Variants in MIER1 observed in about 807,000 individuals in gnomAD.
MIER1 encodes mesoderm induction early response protein 1.
Under a neutral mutation model 75.7 loss-of-function variants are expected in MIER1, and 40 were observed. The observed-to-expected ratio is 0.53, with a 90% CI of 0.41 to 0.69. The LOEUF is 0.69. Ranked by LOEUF, MIER1 falls within the 30% of genes least tolerant of loss-of-function variation. MIER1 has a pLI of 0.00. For synonymous variants in MIER1, 213 were observed against 223.4 expected (o/e 0.95, Z 0.42); for missense variants, 574 against 680.2 (o/e 0.84, Z 1.74).
intron 12 of MIER1, among the ~76,000 whole-genome samples, chr1:66,979,651 A>G (rs1393479099): frequency 6.6e-6 from 1 of 152,108 alleles, no homozygotes; most frequent in East Asian, 1.9e-4. Flanking sequence ...TCTGGATGCT[A>G]TTAATCTTTA....
At chr1:66,925,499 C>T (rs1238033568) in intron 1 of MIER1, 11 of 985,336 alleles carry the variant, frequency 1.1e-5, no homozygotes, top group Middle Eastern at 5.2e-4. Flanking sequence ...TGTGTCCCAT[C>T]CCCGGGAGGC....
At position 66,985,814 on chromosome 1, in the gene MIER1, ATT is replaced by A. The variant is rs150870135; in HGVS notation, c.*936_*937del. On this transcript the variant is annotated 3_prime_UTR_variant, in exon 14 of 14. Coordinates refer to ENST00000401041, the MANE Select transcript of MIER1 (RefSeq NM_001077700.3). Reference sequence around the variant, plus strand: ...TAAAGCATTCATAAAGGATTATAAAATTTTTTTTTTTTTTTTTTTTTTTAAAT... The same window carrying A: ...TAAAGCATTCATAAAGGATTATAAAATTTTTTTTTTTTTTTTTTTTTAAAT... 33,656 of 617,766 alleles carry A rather than the reference ATT, an allele frequency of 0.054. 249 individuals carry two copies. The highest frequency in any genetic ancestry group is 0.11 in the African/African-American group (5,148 of 45,468). The allele number at this position is 617,766 out of a possible 1,614,324, so 38.3% of individuals were successfully genotyped here. A position where few individuals can be genotyped will look rare whatever the true frequency, so the allele number is the denominator to read the frequency against.
At position 66,985,018 on chromosome 1, in the gene MIER1, T is replaced by G; in HGVS notation, c.*118T>G. The G allele has an allele frequency of 7.1e-7, 1 of 1,408,228 alleles. No individual in the cohort carries two copies. Among genetic ancestry groups the G allele is most frequent in the Non-Finnish European group, 9.2e-7 (1 of 1,081,088 alleles). 87.2% of individuals were successfully genotyped at this position (1,408,228 alleles called of 1,614,324 possible). A position where few individuals can be genotyped will look rare whatever the true frequency, so the allele number is the denominator to read the frequency against. On this transcript the variant is annotated 3_prime_UTR_variant, in exon 14 of 14. Transcript: ENST00000401041. ...AAGCAGTTTGAAAATTTGAATTGAG[T>G]CTTAACTTTAGGAAATGAGGTTTCA...
At chr1:66,959,283 C>T (rs1356850011) in intron 6 of MIER1, among the ~76,000 whole-genome samples, 1 of 151,934 alleles carries the variant, frequency 6.6e-6, no homozygotes, top group Non-Finnish European at 1.5e-5. Flanking sequence ...CCTTAGTTTC[C>T]ATTTTTTACT....
chr1:66,970,219 A>G (rs1006659008), intron 8 of MIER1, among the ~76,000 whole-genome samples: 3 of 152,228 alleles, frequency 2.0e-5, no homozygotes, highest in Non-Finnish European at 4.4e-5. Flanking sequence ...TAAAAAAGTA[A>G]TGACTTGTTT....
chr1:66,930,305 GA>G, intron 2 of MIER1: 2 of 1,574,148 alleles, frequency 1.3e-6, no homozygotes, highest in Non-Finnish European at 1.7e-6. Flanking sequence ...GCAGCGGCCG[GA>G]GTCCCGTTGC....
Position 66,984,777 on chromosome 1 carries a change from T to C in MIER1, c.1575T>C (p.Ser525=). The C allele has an allele frequency of 6.2e-7, 1 of 1,613,958 alleles. No homozygotes were observed. The highest frequency in any genetic ancestry group is 8.5e-7 in the Non-Finnish European group (1 of 1,179,918). Residue 525 remains serine, a synonymous_variant, in exon 14 of 14, where the codon AGT becomes AGC. Transcript: ENST00000401041. ...ARNENDFDEK[S]ERPAKRRRVN... ...ATGAAAATGATTTTGATGAAAAAAG[T>C]GAGAGACCTGCCAAAAGGCGAAGGG...
At position 66,986,363 on chromosome 1, in the gene MIER1, C is replaced by T. The variant is rs749464460; in HGVS notation, c.*1463C>T. ...GCTGATAGACCAACCTATATCCAAA[C>T]TTTTATAAAATATTAATTATTCTTG... On this transcript the variant is annotated 3_prime_UTR_variant, in exon 14 of 14. Coordinates refer to ENST00000401041, the MANE Select transcript of MIER1 (RefSeq NM_001077700.3). The T allele has an allele frequency of 6.3e-7, 1 of 1,596,650 alleles. No individual in the cohort carries two copies. The highest frequency in any genetic ancestry group is 2.2e-5 in the East Asian group (1 of 44,506).
chr1:66,972,204 C>CT (rs1663753280), intron 10 of MIER1, among the ~76,000 whole-genome samples: 1 of 143,104 alleles, frequency 7.0e-6, no homozygotes, highest in African/African-American at 2.6e-5. Context: ...CCCCCCTTCA[C>CT]TAAGAGTACT....
intron 9 of MIER1, 43 bp from the exon 10 acceptor site, chr1:66,971,612 G>A (rs1663626877): frequency 3.0e-6 from 3 of 1,009,326 alleles, no homozygotes; most frequent in Non-Finnish European, 4.6e-6. Flanking sequence ...GCATTGAACT[G>A]TTTATAGTCC....
chr1:66,951,661 CCTTAA>C (rs745454978), intron 4 of MIER1, among the ~76,000 whole-genome samples: 1 of 152,026 alleles, frequency 6.6e-6, no homozygotes, highest in African/African-American at 2.4e-5. Context: ...GCTCAAGCAT[CCTTAA>C]CTTCCTGCGT....
At chr1:66,929,112 T>C (rs1652492852) in intron 2 of MIER1, 2 of 664,110 alleles carry the variant, frequency 3.0e-6, no homozygotes, top group Non-Finnish European at 5.3e-6. Flanking sequence ...TTTAAGGGAA[T>C]ATAAATAATT....
At chr1:66,950,001 AGAT>A (rs1658552764) in intron 4 of MIER1, among the ~76,000 whole-genome samples, 1 of 152,252 alleles carries the variant, frequency 6.6e-6, no homozygotes, top group Non-Finnish European at 1.5e-5. Flanking sequence ...ACAATATAAA[AGAT>A]AAGTGTTTTA....
chr1:66,985,181 A>C lies in MIER1; in HGVS notation c.*281A>C. 1.0e-6 allele frequency: 1 copy of C among 985,592 alleles called. No individual in the cohort carries two copies. Among genetic ancestry groups the C allele is most frequent in the Non-Finnish European group, 1.2e-6 (1 of 818,108 alleles). The allele number at this position is 985,592 out of a possible 1,614,324, so 61.1% of individuals were successfully genotyped here. A position where few individuals can be genotyped will look rare whatever the true frequency, so the allele number is the denominator to read the frequency against. ...GAATATCTTTAGTTCATTCAGATTTACTAATTTTGGTAAATCTGAATGAAC... is the reference window on the plus strand; with the variant it reads ...GAATATCTTTAGTTCATTCAGATTTCCTAATTTTGGTAAATCTGAATGAAC... On this transcript the variant is annotated 3_prime_UTR_variant, in exon 14 of 14. Transcript: ENST00000401041.
intron 6 of MIER1, 46 bp from the exon 7 acceptor site, chr1:66,959,633 C>A (rs1261904612): frequency 1.1e-6 from 1 of 905,028 alleles, no homozygotes; most frequent in South Asian, 1.8e-5. Context: ...TAGATTTAGA[C>A]AGGATAAGCA....
In MIER1 at chr1:66,985,583, A is replaced by AT; in HGVS notation, c.*688dup. 1 of 985,318 alleles carries AT rather than the reference A, an allele frequency of 1.0e-6. No homozygotes were observed. The highest frequency in any genetic ancestry group is 1.2e-6 in the Non-Finnish European group (1 of 829,780). The allele number at this position is 985,318 out of a possible 1,614,324, so 61.0% of individuals were successfully genotyped here. ...CCAGATTCTTTGTAGCCTTTGAAAG[A>AT]TTTTTACAGTACATATGTCTTGACT... On this transcript the variant is annotated 3_prime_UTR_variant, in exon 14 of 14. Transcript: ENST00000401041.
chr1:66,956,739 G>A (rs985133537), intron 4 of MIER1, among the ~76,000 whole-genome samples: 3 of 152,212 alleles, frequency 2.0e-5, no homozygotes, highest in Non-Finnish European at 4.4e-5. Context: ...TTATCTTTCA[G>A]AAATAGATTC....
chr1:66,950,035 TATTA>T (rs1392298284), intron 4 of MIER1, among the ~76,000 whole-genome samples: 1 of 152,028 alleles, frequency 6.6e-6, no homozygotes, highest in Non-Finnish European at 1.5e-5. Flanking sequence ...GTGTATAGGT[TATTA>T]TTTATTGTAG....
chr1:66,927,664 A>G (rs749766712), intron 2 of MIER1, among the ~76,000 whole-genome samples: 2 of 152,162 alleles, frequency 1.3e-5, no homozygotes, highest in East Asian at 1.9e-4. Context: ...TGGAAACAAC[A>G]AGGAGGTAGA....
Sources: gnomAD v4.1 joint callset for allele counts (sites outside exome capture counted in the v4.1 genomes callset) on GRCh38, gnomAD v4.1.1 for gene constraint, MANE v1.5 for transcripts, NCBI Gene and HGNC (gene_info 2026-07-23, HGNC 2026-07-21) for gene names.